Variants in SCMH1 observed in about 807,000 individuals in gnomAD.
The protein encoded by SCMH1 is polycomb protein SCMH1.
In SCMH1, 37 loss-of-function variants were observed where a neutral mutation model predicts 70.8. The ratio of observed to expected loss-of-function variants is 0.52; its 90% confidence interval spans 0.40 to 0.69. SCMH1 has a LOEUF of 0.69. Among genes scored for constraint, SCMH1 ranks in the 30% least tolerant of loss-of-function variants. SCMH1 has a pLI of 0.00. For missense variants in SCMH1, 607 were observed against 827.3 expected (o/e 0.73, Z 3.27); for synonymous variants, 292 against 307.4 (o/e 0.95, Z 0.52).
intron 13 of SCMH1, among the ~76,000 whole-genome samples, chr1:41,032,193 G>C (rs1444874267): frequency 6.6e-6 from 1 of 152,168 alleles, no homozygotes; most frequent in Non-Finnish European, 1.5e-5. Flanking sequence ...ATGGTACTTT[G>C]TTAGAGCAGC....
intron 7 of SCMH1, among the ~76,000 whole-genome samples, chr1:41,116,217 A>G (rs1019638596): frequency 4.6e-5 from 7 of 152,232 alleles, no homozygotes; most frequent in Admixed American, 2.0e-4. Flanking sequence ...CCTGAGTTAC[A>G]TAAGTGCTAG....
At chr1:41,167,636 T>C (rs77115277) in intron 2 of SCMH1, among the ~76,000 whole-genome samples, 2,866 of 152,284 alleles carry the variant, frequency 0.019, 89 homozygotes, top group East Asian at 0.11. Context: ...TTTCTTCTGG[T>C]TGTCCAATTT....
chr1:41,212,550 T>C (rs1464597390), intron 1 of SCMH1, among the ~76,000 whole-genome samples: 1 of 152,010 alleles, frequency 6.6e-6, no homozygotes, highest in African/African-American at 2.4e-5. Flanking sequence ...TTCTGTAACA[T>C]ATAATGGAGA....
chr1:41,085,388 A>C (rs1389342302), intron 8 of SCMH1, among the ~76,000 whole-genome samples: 2 of 152,184 alleles, frequency 1.3e-5, no homozygotes, highest in Non-Finnish European at 2.9e-5. Flanking sequence ...TAATACATAT[A>C]TGCCAAAATC....
intron 1 of SCMH1, among the ~76,000 whole-genome samples, chr1:41,189,940 C>G (rs565587141): frequency 2.0e-5 from 3 of 152,204 alleles, no homozygotes; most frequent in Admixed American, 6.5e-5. Context: ...CTGGCTCATG[C>G]TTCTTGAACA....
intron 8 of SCMH1, among the ~76,000 whole-genome samples, chr1:41,080,100 G>C (rs993889645): frequency 4.7e-5 from 7 of 148,440 alleles, no homozygotes; most frequent in Admixed American, 1.3e-4. Context: ...TAAAAAATCT[G>C]TTTGTTTGTT....
intron 12 of SCMH1, among the ~76,000 whole-genome samples, chr1:41,042,938 T>C (rs1281702349): frequency 6.6e-6 from 1 of 152,164 alleles, no homozygotes; most frequent in African/African-American, 2.4e-5. Flanking sequence ...ATAACTGTTC[T>C]AGATAAAGGA....
chr1:41,115,337 C>T (rs1220427530), intron 7 of SCMH1, among the ~76,000 whole-genome samples: 1 of 152,170 alleles, frequency 6.6e-6, no homozygotes, highest in Non-Finnish European at 1.5e-5. Flanking sequence ...CTCTATTATA[C>T]TTTGAGATTA....
At chr1:41,155,859 C>T (rs576210889) in intron 4 of SCMH1, among the ~76,000 whole-genome samples, 13 of 151,994 alleles carry the variant, frequency 8.6e-5, no homozygotes, top group African/African-American at 3.1e-4. Context: ...GTGGCAGGCA[C>T]CTATAATCCC....
intron 8 of SCMH1, among the ~76,000 whole-genome samples, chr1:41,090,442 C>T (rs896182796): frequency 6.6e-6 from 1 of 151,888 alleles, no homozygotes; most frequent in African/African-American, 2.4e-5. Flanking sequence ...TACAAAGAAA[C>T]TCCAGACTCA....
At chr1:41,167,908 T>C (rs1008980013) in intron 2 of SCMH1, among the ~76,000 whole-genome samples, 18 of 34,694 alleles carry the variant, frequency 5.2e-4, no homozygotes, top group African/African-American at 2.4e-3. Context: ...GCTGGCAGTG[T>C]TTTGTTTTTT....
At chr1:41,193,139 C>T (rs747698226) in intron 1 of SCMH1, among the ~76,000 whole-genome samples, 19 of 152,220 alleles carry the variant, frequency 1.2e-4, no homozygotes, top group Admixed American at 2.6e-4. Flanking sequence ...CTCAACCTGG[C>T]TCTGATCATT....
At chr1:41,165,180 C>T (rs1342987910) in intron 2 of SCMH1, among the ~76,000 whole-genome samples, 1 of 152,130 alleles carries the variant, frequency 6.6e-6, no homozygotes, top group Non-Finnish European at 1.5e-5. Context: ...ATTACATCCT[C>T]TAGGTTCATC....
chr1:41,049,310 ATGTGTGTGTGTG>A (rs3030391), intron 10 of SCMH1, among the ~76,000 whole-genome samples: 1 of 149,788 alleles, frequency 6.7e-6, no homozygotes, highest in Non-Finnish European at 1.5e-5. Context: ...GCAAGGGCAT[ATGTGTGTGTGTG>A]TGTGTGTGTA....
intron 1 of SCMH1, among the ~76,000 whole-genome samples, chr1:41,200,356 T>C (rs1006832962): frequency 6.6e-6 from 1 of 152,016 alleles, no homozygotes; most frequent in Non-Finnish European, 1.5e-5. Context: ...GGTAGGCACC[T>C]GTAGTCCCAG....
rs144755675 is a variant in SCMH1, at chr1:41,075,260, A to G, written c.937T>C (p.Leu313=). The G allele has an allele frequency of 5.0e-5, 80 of 1,614,080 alleles. No individual in the cohort carries two copies. The East Asian group carries it at 1.8e-3, about 36-fold the overall frequency. ...GGACCTCTCTTCTTTGGGAATTTCA[A>G]AGGTTCAGCTGTCTTGGATGGGGCA... Residue 313 remains leucine (L), a synonymous_variant, in exon 9 of 15, where the codon TTG becomes CTG. Transcript: ENST00000337495.
intron 1 of SCMH1, among the ~76,000 whole-genome samples, chr1:41,188,977 T>C (rs1650976014): frequency 6.6e-6 from 1 of 152,162 alleles, no homozygotes; most frequent in African/African-American, 2.4e-5. Flanking sequence ...CAGTTTTAGA[T>C]AAATCATAAT....
At chr1:41,206,567 T>C (rs981351556) in intron 1 of SCMH1, among the ~76,000 whole-genome samples, 9 of 152,210 alleles carry the variant, frequency 5.9e-5, no homozygotes, top group Non-Finnish European at 1.0e-4. Context: ...TGCATTTGAC[T>C]GGTGTACCTG....
At chr1:41,152,798 C>T (rs1645183056) in intron 4 of SCMH1, 2 of 1,470,120 alleles carry the variant, frequency 1.4e-6, no homozygotes, top group South Asian at 2.6e-5. Flanking sequence ...AAAGATGATG[C>T]CAAGACTTTA....
Sources: allele counts gnomAD v4.1 joint callset (sites outside exome capture counted in the v4.1 genomes callset), GRCh38; gene constraint gnomAD v4.1.1; transcripts MANE v1.5; gene names NCBI Gene and HGNC (gene_info 2026-07-23, HGNC 2026-07-21).